HIP1: variants seen among roughly 807,000 people sequenced by gnomAD.
HIP1 encodes the protein huntingtin-interacting protein 1.
HIP1 carries 65 observed loss-of-function variants against 147.6 expected under a neutral mutation model. The observed-to-expected ratio is 0.44, with a 90% CI of 0.36 to 0.54. The LOEUF (loss-of-function observed/expected upper bound fraction) is 0.54, where lower values mean the gene tolerates loss of function less well. HIP1 is among the 20% of genes least tolerant of loss of function. The pLI is 0.00. For missense variants in HIP1, 1,061 were observed against 1,299.6 expected (o/e 0.82, Z 2.82); for synonymous variants, 479 against 504.0 (o/e 0.95, Z 0.67).
intron 1 of HIP1, among the ~76,000 whole-genome samples, chr7:75,653,149 GA>G (rs34356717): frequency 0.051 from 7,379 of 144,616 alleles, 225 homozygotes; most frequent in Non-Finnish European, 0.078. Flanking sequence ...AGGTCTGGGA[GA>G]AAAAAAAAAA....
intron 1 of HIP1, among the ~76,000 whole-genome samples, chr7:75,719,360 C>T (rs1801428014): frequency 6.6e-6 from 1 of 151,842 alleles, no homozygotes; most frequent in South Asian, 2.1e-4. Context: ...AAAAATTAGC[C>T]AGGCAAGGTG....
intron 1 of HIP1, among the ~76,000 whole-genome samples, chr7:75,698,954 C>G (rs1800725376): frequency 6.6e-6 from 1 of 152,076 alleles, no homozygotes; most frequent in Admixed American, 6.6e-5. Context: ...TTCTCTCTCT[C>G]TTAGGGTTGA....
At chr7:75,589,729 GGTTTTTTTT>G (rs2116960149) in intron 4 of HIP1, among the ~76,000 whole-genome samples, 1 of 141,368 alleles carries the variant, frequency 7.1e-6, no homozygotes, top group South Asian at 2.2e-4. Context: ...TTTTTTTTTG[GGTTTTTTTT>G]GTTTTTTTTT....
At chr7:75,700,367 A>C (rs1800787229) in intron 1 of HIP1, among the ~76,000 whole-genome samples, 1 of 152,104 alleles carries the variant, frequency 6.6e-6, no homozygotes, top group East Asian at 1.9e-4. Context: ...CACTTGGGAA[A>C]CCTTTTCTGT....
chr7:75,711,160 C>T (rs1801157110), intron 1 of HIP1, among the ~76,000 whole-genome samples: 1 of 152,118 alleles, frequency 6.6e-6, no homozygotes, highest in Non-Finnish European at 1.5e-5. Context: ...TCAGGATATT[C>T]CCTGTGAAAG....
intron 1 of HIP1, among the ~76,000 whole-genome samples, chr7:75,704,722 C>T (rs1451946207): frequency 3.3e-5 from 5 of 152,060 alleles, no homozygotes; most frequent in South Asian, 2.1e-4. Context: ...TACAGGCACC[C>T]GCCATCATGC....
intron 1 of HIP1, among the ~76,000 whole-genome samples, chr7:75,688,431 G>A (rs1200998389): frequency 2.6e-5 from 4 of 151,682 alleles, no homozygotes; most frequent in Non-Finnish European, 5.9e-5. Context: ...TGCAGGGGGT[G>A]GGGGGGATGA....
intron 1 of HIP1, among the ~76,000 whole-genome samples, chr7:75,677,475 G>A (rs1040922411): frequency 1.5e-4 from 22 of 150,860 alleles, no homozygotes; most frequent in Middle Eastern, 7.0e-3. Context: ...GCGTGGTGGC[G>A]GGTGCCTGTA....
intron 1 of HIP1, among the ~76,000 whole-genome samples, chr7:75,677,015 T>C (rs931619719): frequency 2.0e-5 from 3 of 151,392 alleles, no homozygotes; most frequent in Non-Finnish European, 4.4e-5. Flanking sequence ...GCCAACATGG[T>C]GAAACCCCAT....
intron 29 of HIP1, 55 bp from the exon 30 acceptor site, chr7:75,539,486 T>G: frequency 7.2e-7 from 1 of 1,388,666 alleles, no homozygotes; most frequent in Non-Finnish European, 1.0e-6. Context: ...AGATTTAATT[T>G]TTATTTATTT....
intron 1 of HIP1, among the ~76,000 whole-genome samples, chr7:75,669,820 G>C (rs4731474): frequency 6.6e-6 from 1 of 151,974 alleles, no homozygotes; most frequent in Non-Finnish European, 1.5e-5. Flanking sequence ...ATTTATTTAC[G>C]AGACAGAGTC....
chr7:75,533,674 A>G lies in HIP1; in HGVS notation c.*4498T>C. 1 of 232,692 alleles carries G rather than the reference A, an allele frequency of 4.3e-6. No individual in the cohort carries two copies. Among genetic ancestry groups the G allele is most frequent in the Non-Finnish European group, 8.5e-6 (1 of 117,718 alleles). 14.4% of individuals were successfully genotyped at this position (232,692 alleles called of 1,614,324 possible). A position where few individuals can be genotyped will look rare whatever the true frequency, so the allele number is the denominator to read the frequency against. On this transcript the variant is annotated 3_prime_UTR_variant, in exon 31 of 31. Transcript: ENST00000336926. Reference sequence around the variant, plus strand: ...TTCAAACCTGAGGTAGTTGAGGGTCACCTGAAAGACATGTCTGGAAAAATC... The same window carrying G: ...TTCAAACCTGAGGTAGTTGAGGGTCGCCTGAAAGACATGTCTGGAAAAATC...
rs532992980 is a variant in HIP1 at position 75,639,758 on chromosome 7, T to A, written c.121-40511A>T. 1.1e-4 allele frequency among the ~76,000 whole-genome samples: 16 copies of A among 152,134 alleles called. No homozygotes were observed. In the East Asian group the frequency reaches 3.1e-3, roughly 30 times the overall value. On this transcript the variant is annotated intron_variant, in intron 1 of 30. Transcript: ENST00000336926. ...GGGGGCAGGGGGTCCGCTCGGCCCC[T>A]CCCCACTTGGCTTCCCTGGACAAAG...
chr7:75,580,695 T>A (rs2116920084), intron 7 of HIP1, among the ~76,000 whole-genome samples: 1 of 151,630 alleles, frequency 6.6e-6, no homozygotes, highest in African/African-American at 2.4e-5. Flanking sequence ...AGCCGTAACA[T>A]GCCACTGCAA....
intron 1 of HIP1, among the ~76,000 whole-genome samples, chr7:75,687,064 CT>C (rs1256569611): frequency 4.6e-5 from 7 of 152,076 alleles, no homozygotes; most frequent in African/African-American, 1.7e-4. Flanking sequence ...GCAGGATTTT[CT>C]GTTCTGGTCT....
In HIP1 at chr7:75,702,699, ATGGT is replaced by A. The variant is rs1554519267; in HGVS notation, c.120+36098_120+36101del. On this transcript the variant is annotated intron_variant, in intron 1 of 30. Coordinates refer to ENST00000336926, the MANE Select transcript of HIP1 (RefSeq NM_005338.7). ...GGGACCTGGTGTTCATATGGATCCC[ATGGT>A]TACAGAGAAGGAGGAAAGACACTGC... Among the ~76,000 whole-genome samples, 6 of 152,300 alleles carry A rather than the reference ATGGT, an allele frequency of 3.9e-5. No individual in the cohort carries two copies. In the East Asian group the frequency reaches 1.2e-3, roughly 29 times the overall value.
At chr7:75,729,270 A>G (rs1164469705) in intron 1 of HIP1, among the ~76,000 whole-genome samples, 1 of 144,290 alleles carries the variant, frequency 6.9e-6, no homozygotes, top group Admixed American at 7.0e-5. Context: ...GGAGTTTGAG[A>G]CAAGCCTGGG....
intron 1 of HIP1, among the ~76,000 whole-genome samples, chr7:75,654,169 C>T (rs558317004): frequency 5.3e-5 from 8 of 151,962 alleles, no homozygotes; most frequent in Admixed American, 1.3e-4. Context: ...CCAAGGCGGG[C>T]GGATCACCTG....
intron 1 of HIP1, among the ~76,000 whole-genome samples, chr7:75,693,770 G>GGGAAGGGA (rs1563297638): frequency 1.3e-5 from 2 of 150,530 alleles, no homozygotes; most frequent in African/African-American, 4.9e-5. Context: ...AGCTACTCGG[G>GGGAAGGGA]GGAAGGGAGG....
Sources: allele counts gnomAD v4.1 joint callset (sites outside exome capture counted in the v4.1 genomes callset), GRCh38; gene constraint gnomAD v4.1.1; transcripts MANE v1.5; gene names NCBI Gene and HGNC (gene_info 2026-07-23, HGNC 2026-07-21).